CSMD1: variants seen among roughly 807,000 people sequenced by gnomAD.
The protein encoded by CSMD1 is CUB and sushi domain-containing protein 1.
A neutral mutation model predicts 417.5 loss-of-function variants in CSMD1; 213 were observed. That is an observed-to-expected ratio of 0.51 (90% CI 0.46 to 0.57). CSMD1 has a LOEUF of 0.57. Among genes scored for constraint, CSMD1 ranks in the 20% least tolerant of loss-of-function variants. The probability of loss-of-function intolerance (pLI) is 0.00; values close to 1 mark genes in which losing one functional copy is unlikely to be tolerated. For missense variants in CSMD1, 6,923 were observed against 4,529.7 expected (o/e 1.53, Z -15.17); for synonymous variants, 2,862 against 1,736.8 (o/e 1.65, Z -16.11).
intron 27 of CSMD1, among the ~76,000 whole-genome samples, chr8:3,224,138 T>C (rs1000562008): frequency 6.6e-6 from 1 of 152,198 alleles, no homozygotes; most frequent in Non-Finnish European, 1.5e-5. Context: ...AAAAATTTCT[T>C]TCCTATAATT....
intron 5 of CSMD1, among the ~76,000 whole-genome samples, chr8:3,989,432 G>A (rs1814581981): frequency 6.6e-6 from 1 of 152,166 alleles, no homozygotes; most frequent in South Asian, 2.1e-4. Context: ...CTAGGTAAGA[G>A]CGGCTTCTTA....
intron 12 of CSMD1, among the ~76,000 whole-genome samples, chr8:3,463,453 A>G (rs949707727): frequency 5.3e-5 from 8 of 152,232 alleles, no homozygotes; most frequent in Non-Finnish European, 7.3e-5. Context: ...CACAACATGT[A>G]AACAAAAGGT....
chr8:3,466,532 C>T (rs985160761), intron 12 of CSMD1, among the ~76,000 whole-genome samples: 5 of 151,668 alleles, frequency 3.3e-5, no homozygotes, highest in African/African-American at 1.2e-4. Context: ...GCCCCAGCCT[C>T]CTGTGTATCT....
Position 3,736,852 on chromosome 8 carries a change from T to C in CSMD1, c.931+17078A>G, listed in dbSNP as rs973077538. Among the ~76,000 whole-genome samples, 12 of 152,322 alleles carry C rather than the reference T, an allele frequency of 7.9e-5. No homozygotes were observed. The East Asian group carries it at 1.9e-3, about 25-fold the overall frequency. Reference sequence around the variant, plus strand: ...TGCTGGGATGTTACGTATGTCTACATATGAATGGGTGAAAGCCATGCCTGG... The same window carrying C: ...TGCTGGGATGTTACGTATGTCTACACATGAATGGGTGAAAGCCATGCCTGG... On this transcript the variant is annotated intron_variant, in intron 6 of 69. Transcript: ENST00000635120.
rs1171382305 is a variant in CSMD1 at position 3,741,229 on chromosome 8, A to AAAAAAC, written c.931+12700_931+12701insGTTTTT. Among the ~76,000 whole-genome samples, 3 of 151,052 alleles carry AAAAAAC rather than the reference A, an allele frequency of 2.0e-5. No homozygotes were observed. In the East Asian group the frequency reaches 5.9e-4, roughly 30 times the overall value. On this transcript the variant is annotated intron_variant, in intron 6 of 69. Coordinates refer to ENST00000635120, the MANE Select transcript of CSMD1 (RefSeq NM_033225.6). ...ACTCCGTCTTAAAAAAAAAAAAAAAAAAAAAAAAAAAACATACAGAAGAAG... is the reference window on the plus strand; with the variant it reads ...ACTCCGTCTTAAAAAAAAAAAAAAAAAAAAACAAAAAAAAAAAACATACAGAAGAAG...
intron 3 of CSMD1, among the ~76,000 whole-genome samples, chr8:4,340,972 G>A (rs974651136): frequency 9.2e-5 from 14 of 152,188 alleles, no homozygotes; most frequent in African/African-American, 2.2e-4. Context: ...TTTATTTCAA[G>A]CTGATGGATT....
At chr8:3,370,151 T>G (rs1809857397) in intron 18 of CSMD1, among the ~76,000 whole-genome samples, 2 of 152,150 alleles carry the variant, frequency 1.3e-5, no homozygotes, top group Non-Finnish European at 1.5e-5. Context: ...AATTTAACCT[T>G]TTGAATAGAC....
rs556176093 is a variant in CSMD1 at position 4,356,949 on chromosome 8, A to G, written c.415+63004T>C. On this transcript the variant is annotated intron_variant, in intron 3 of 69. Coordinates refer to ENST00000635120, the MANE Select transcript of CSMD1 (RefSeq NM_033225.6). ...TTTTAAATGTCAATATGTGAAATAT[A>G]ATAGCAACTGAAAGACTTTGCAGCT... Among the ~76,000 whole-genome samples the G allele has an allele frequency of 1.8e-4, 28 of 152,344 alleles. No homozygotes were observed. The South Asian group carries it at 2.9e-3, about 16-fold the overall frequency.
intron 3 of CSMD1, among the ~76,000 whole-genome samples, chr8:4,032,745 G>A (rs1046667892): frequency 4.6e-5 from 7 of 152,178 alleles, no homozygotes; most frequent in African/African-American, 1.7e-4. Flanking sequence ...TCAGTGCTAA[G>A]TTTTGACAAC....
chr8:4,276,557 G>T (rs1166772387), intron 3 of CSMD1, among the ~76,000 whole-genome samples: 1 of 152,016 alleles, frequency 6.6e-6, no homozygotes. Context: ...AAACCTGCAC[G>T]TTCTGCACAT....
At chr8:3,927,341 C>T (rs187223084) in intron 5 of CSMD1, among the ~76,000 whole-genome samples, 85 of 151,796 alleles carry the variant, frequency 5.6e-4, no homozygotes, top group Non-Finnish European at 9.4e-4. Flanking sequence ...TATGAGTATT[C>T]AATGGAAAAA....
At chr8:3,519,104 G>A (rs923313278) in intron 10 of CSMD1, among the ~76,000 whole-genome samples, 8 of 152,234 alleles carry the variant, frequency 5.3e-5, no homozygotes, top group African/African-American at 1.7e-4. Flanking sequence ...ACTGTCCCCT[G>A]TGCAAATATT....
At chr8:3,561,460 T>C (rs1799463293) in intron 10 of CSMD1, among the ~76,000 whole-genome samples, 1 of 149,498 alleles carries the variant, frequency 6.7e-6, no homozygotes, top group African/African-American at 2.4e-5. Context: ...CATAAAATGA[T>C]ACATTTCTTG....
intron 5 of CSMD1, among the ~76,000 whole-genome samples, chr8:3,777,454 C>A (rs1190119100): frequency 6.6e-6 from 1 of 152,178 alleles, no homozygotes; most frequent in Non-Finnish European, 1.5e-5. Flanking sequence ...TCAAAGGGAG[C>A]AGTGCTCATT....
At chr8:4,586,931 T>G (rs573744968) in intron 2 of CSMD1, among the ~76,000 whole-genome samples, 2 of 152,314 alleles carry the variant, frequency 1.3e-5, no homozygotes, top group African/African-American at 4.8e-5. Flanking sequence ...AAATGAGAAC[T>G]TGCATGCATG....
intron 3 of CSMD1, among the ~76,000 whole-genome samples, chr8:4,346,904 A>T (rs1039532273): frequency 6.6e-6 from 1 of 152,126 alleles, no homozygotes; most frequent in African/African-American, 2.4e-5. Flanking sequence ...ACCTGGCTGG[A>T]CCTCAATCTT....
rs538598027 is a variant in CSMD1, at chr8:4,742,382, A to G, written c.86-104824T>C. On this transcript the variant is annotated intron_variant, in intron 1 of 69. Transcript: ENST00000635120. ...TAAGCCACCGACTGTATCATGAGAA[A>G]TTTAAGACTGCTGTTTTAAAAATAA... Among the ~76,000 whole-genome samples, 28 of 152,072 alleles carry G rather than the reference A, an allele frequency of 1.8e-4. No individual in the cohort carries two copies. The South Asian group carries it at 5.6e-3, about 30-fold the overall frequency.
At chr8:4,590,963 G>T (rs574170226) in intron 2 of CSMD1, among the ~76,000 whole-genome samples, 1 of 152,146 alleles carries the variant, frequency 6.6e-6, no homozygotes, top group Non-Finnish European at 1.5e-5. Flanking sequence ...AACACACCTG[G>T]TTGCTGTCTT....
intron 3 of CSMD1, among the ~76,000 whole-genome samples, chr8:4,362,551 G>A (rs192331645): frequency 2.2e-4 from 33 of 152,244 alleles, no homozygotes; most frequent in African/African-American, 7.7e-4. Context: ...ATTTATTGTG[G>A]GAAGTGGATA....
Sources: gnomAD v4.1 joint callset for allele counts (sites outside exome capture counted in the v4.1 genomes callset) on GRCh38, gnomAD v4.1.1 for gene constraint, MANE v1.5 for transcripts, NCBI Gene and HGNC (gene_info 2026-07-23, HGNC 2026-07-21) for gene names.